The following RNF13 variants were observed in gnomAD, a reference collection of about 807,000 sequenced individuals.
RNF13 encodes the protein E3 ubiquitin-protein ligase RNF13.
In RNF13, 19 loss-of-function variants were observed where a neutral mutation model predicts 37.7. The observed-to-expected ratio is 0.50, with a 90% CI of 0.35 to 0.74. The LOEUF (loss-of-function observed/expected upper bound fraction) is 0.74, where lower values mean the gene tolerates loss of function less well. RNF13 is among the 30% of genes least tolerant of loss of function. RNF13 has a pLI of 0.01. For missense variants in RNF13, 375 were observed against 453.0 expected (o/e 0.83, Z 1.56); for synonymous variants, 144 against 157.8 (o/e 0.91, Z 0.65).
chr3:149,859,302 A>C (rs1723982194), intron 3 of RNF13, among the ~76,000 whole-genome samples: 2 of 152,244 alleles, frequency 1.3e-5, no homozygotes, highest in Non-Finnish European at 2.9e-5. Flanking sequence ...TCACATGCAC[A>C]TAGTTAGATG....
chr3:149,829,140 C>T (rs1363834201), intron 1 of RNF13, among the ~76,000 whole-genome samples: 1 of 152,108 alleles, frequency 6.6e-6, no homozygotes, highest in Non-Finnish European at 1.5e-5. Flanking sequence ...CTTGCTTTGC[C>T]ACCCAGGCTG....
At chr3:149,883,176 C>A (rs1713615971) in intron 4 of RNF13, among the ~76,000 whole-genome samples, 1 of 152,166 alleles carries the variant, frequency 6.6e-6, no homozygotes, top group South Asian at 2.1e-4. Flanking sequence ...ATTTCAGGAT[C>A]CAATCATGAA....
At chr3:149,916,751 A>G (rs749530175) in intron 7 of RNF13, among the ~76,000 whole-genome samples, 6 of 152,312 alleles carry the variant, frequency 3.9e-5, no homozygotes, top group Non-Finnish European at 5.9e-5. Context: ...AACCTTATAC[A>G]GATAAAAAAT....
chr3:149,882,251 A>T (rs1382070245), intron 4 of RNF13, among the ~76,000 whole-genome samples: 1 of 151,136 alleles, frequency 6.6e-6, no homozygotes, highest in Non-Finnish European at 1.5e-5. Context: ...CAAAATGACT[A>T]AAGTAAAATT....
chr3:149,852,521 C>T lies in RNF13; in HGVS notation c.120C>T (p.Asn40=), dbSNP rs751958543. ...ATTTAAAATTTTATTTTTAGTATAA[C>T]TTTGAAAATGCATCTCAGACATTTG... ...LPVEADILAY[N]FENASQTFDD... is the part of the protein sequence containing the mutation. The change falls in exon 3 of 10, where the codon AAC becomes AAT. Residue 40 remains asparagine, a synonymous_variant. Coordinates refer to ENST00000392894, the MANE Select transcript of RNF13 (RefSeq NM_183381.3). 11 of 1,513,374 alleles carry T rather than the reference C, an allele frequency of 7.3e-6. No homozygotes were observed. The highest frequency in any genetic ancestry group is 9.9e-6 in the Non-Finnish European group (11 of 1,115,902). 93.7% of individuals were successfully genotyped at this position (1,513,374 alleles called of 1,614,324 possible).
In RNF13 at chr3:149,813,370, C is replaced by T. The variant is rs975526544; in HGVS notation, c.-17+17C>T. ...GACTTCAAGGTAAGACCCTGTCCGGCTTCGCGGCAGCCGGGCAGCTCGTTA... is the reference window on the plus strand; with the variant it reads ...GACTTCAAGGTAAGACCCTGTCCGGTTTCGCGGCAGCCGGGCAGCTCGTTA... On this transcript the variant is annotated intron_variant, in intron 1 of 9. Transcript: ENST00000392894. 2 of 152,366 alleles carry T rather than the reference C, an allele frequency of 1.3e-5. No homozygotes were observed. The highest frequency in any genetic ancestry group is 4.8e-5 in the African/African-American group (2 of 41,578). The allele number at this position is 152,366 out of a possible 1,614,324, so 9.4% of individuals were successfully genotyped here. A position where few individuals can be genotyped will look rare whatever the true frequency, so the allele number is the denominator to read the frequency against.
chr3:149,816,875 A>G (rs1719512338), intron 1 of RNF13, among the ~76,000 whole-genome samples: 1 of 152,230 alleles, frequency 6.6e-6, no homozygotes, highest in Non-Finnish European at 1.5e-5. Context: ...TGATGATCGT[A>G]GTGAAGGTAT....
intron 1 of RNF13, among the ~76,000 whole-genome samples, chr3:149,839,911 T>A (rs1418025415): frequency 2.0e-5 from 3 of 152,262 alleles, no homozygotes; most frequent in Admixed American, 2.0e-4. Flanking sequence ...TTTCATGCCA[T>A]TTCCTCATTC....
intron 1 of RNF13, among the ~76,000 whole-genome samples, chr3:149,825,929 A>G (rs1720457137): frequency 6.6e-6 from 1 of 152,136 alleles, no homozygotes; most frequent in South Asian, 2.1e-4. Context: ...CCCTTTTGGA[A>G]TCCCTCTCTC....
intron 4 of RNF13, among the ~76,000 whole-genome samples, chr3:149,879,228 A>G (rs533075056): frequency 1.3e-5 from 2 of 152,272 alleles, no homozygotes; most frequent in South Asian, 4.1e-4. Flanking sequence ...TGTGTACTCA[A>G]TACTTAGTTT....
chr3:149,842,157 A>G (rs1722243470), intron 1 of RNF13, among the ~76,000 whole-genome samples: 1 of 152,044 alleles, frequency 6.6e-6, no homozygotes. Flanking sequence ...TCACTTTTAC[A>G]TTAAGAGCAC....
intron 8 of RNF13, among the ~76,000 whole-genome samples, chr3:149,945,737 G>A (rs1001507760): frequency 1.6e-4 from 24 of 152,158 alleles, no homozygotes; most frequent in African/African-American, 5.8e-4. Flanking sequence ...GGAACAATCT[G>A]GCAGCACCAT....
At chr3:149,821,837 G>T (rs922365986) in intron 1 of RNF13, among the ~76,000 whole-genome samples, 1 of 152,004 alleles carries the variant, frequency 6.6e-6, no homozygotes, top group Non-Finnish European at 1.5e-5. Flanking sequence ...GTTGTATATG[G>T]TATAAATTCC....
chr3:149,818,484 A>C (rs1304436193), intron 1 of RNF13, among the ~76,000 whole-genome samples: 4 of 152,230 alleles, frequency 2.6e-5, no homozygotes, highest in African/African-American at 9.7e-5. Flanking sequence ...TTAATGCTCA[A>C]CAAACGTAGG....
chr3:149,831,568 A>G (rs1217632927), intron 1 of RNF13, among the ~76,000 whole-genome samples: 1 of 152,160 alleles, frequency 6.6e-6, no homozygotes, highest in Non-Finnish European at 1.5e-5. Context: ...TATCTAGGAA[A>G]TAATTAACTT....
At chr3:149,911,233 C>T (rs1169320097) in intron 6 of RNF13, among the ~76,000 whole-genome samples, 1 of 152,112 alleles carries the variant, frequency 6.6e-6, no homozygotes, top group South Asian at 2.1e-4. Flanking sequence ...AATACTGACG[C>T]TAGAGTTTTT....
intron 4 of RNF13, among the ~76,000 whole-genome samples, chr3:149,873,082 GTTTAAA>G (rs1397635479): frequency 6.6e-6 from 1 of 152,162 alleles, no homozygotes; most frequent in East Asian, 1.9e-4. Flanking sequence ...GTTTATGATA[GTTTAAA>G]TTTAACTGTT....
intron 4 of RNF13, among the ~76,000 whole-genome samples, chr3:149,876,289 A>G (rs189894912): frequency 1.3e-5 from 2 of 152,334 alleles, no homozygotes; most frequent in African/African-American, 4.8e-5. Context: ...TGTGTGAATG[A>G]GTATTTTTGA....
In RNF13 at chr3:149,938,463, G is replaced by A. The variant is rs1032265060; in HGVS notation, c.700+17236G>A. On this transcript the variant is annotated intron_variant, in intron 8 of 9. Transcript: ENST00000392894. ...CCTGGAATTACAGGTATGAGCCACCGTGCCTGGCCATATTGTTATTATTAT... is the reference window on the plus strand; with the variant it reads ...CCTGGAATTACAGGTATGAGCCACCATGCCTGGCCATATTGTTATTATTAT... Among the ~76,000 whole-genome samples the A allele has an allele frequency of 7.3e-5, 11 of 151,148 alleles. No homozygotes were observed. The East Asian group carries it at 9.7e-4, about 13-fold the overall frequency.
Sources: gnomAD v4.1 joint callset for allele counts (sites outside exome capture counted in the v4.1 genomes callset) on GRCh38, gnomAD v4.1.1 for gene constraint, MANE v1.5 for transcripts, NCBI Gene and HGNC (gene_info 2026-07-23, HGNC 2026-07-21) for gene names.